Variants in LMF1 observed in about 807,000 individuals in gnomAD.
LMF1 encodes transmembrane protein 112.
Under a neutral mutation model 60.6 loss-of-function variants are expected in LMF1, and 68 were observed. The ratio of observed to expected loss-of-function variants is 1.12; its 90% CI spans 0.92 to 1.37. The LOEUF is 1.37. Among genes scored for constraint, LMF1 ranks in the 40% most tolerant of loss-of-function variants. LMF1 has a pLI of 0.00. For synonymous variants in LMF1, 418 were observed against 324.7 expected (o/e 1.29, Z -3.09); for missense variants, 948 against 767.2 (o/e 1.24, Z -2.78).
intron 4 of LMF1, among the ~76,000 whole-genome samples, chr16:904,535 G>A (rs1432482846): frequency 4.0e-5 from 3 of 74,970 alleles, no homozygotes; most frequent in Non-Finnish European, 7.1e-5. Context: ...CCTCTGCATC[G>A]CCCACAGGAC....
rs1322523657 is a variant in LMF1 at position 877,257 on chromosome 16, TGC to T, written c.897+2311_897+2312del. On this transcript the variant is annotated intron_variant, in intron 6 of 10. Coordinates refer to ENST00000262301, the MANE Select transcript of LMF1 (RefSeq NM_022773.4). Reference sequence around the variant, plus strand: ...ACTAAGATAATACTATGACTTTTTTTGCCAAAAGATTTGAAAACAGATGAACA... The same window carrying T: ...ACTAAGATAATACTATGACTTTTTTTCAAAAGATTTGAAAACAGATGAACA... 1.1e-4 allele frequency among the ~76,000 whole-genome samples: 16 copies of T among 152,324 alleles called. No individual in the cohort carries two copies. In the Middle Eastern group the frequency reaches 0.024, roughly 227 times the overall value.
chr16:860,399 G>A (rs2069424949), intron 10 of LMF1, among the ~76,000 whole-genome samples: 1 of 151,764 alleles, frequency 6.6e-6, no homozygotes, highest in Non-Finnish European at 1.5e-5. Context: ...GAGTGTGGTG[G>A]TGTGATCTCG....
chr16:854,593 C>T lies in LMF1; in HGVS notation c.1643G>A (p.Ser548Asn). The T allele has an allele frequency of 6.2e-7, 1 of 1,607,212 alleles. No homozygotes were observed. The highest frequency in any genetic ancestry group is 8.5e-7 in the Non-Finnish European group (1 of 1,178,316). ...GAAGTAGGGCCTCAGCTCCTCCAGG[C>T]TGAGCGGAGGGAAGTAGGCTCCGAT... ...KRIGAYFPPLSLEELRPYFRD... is the reference protein window; with the variant it reads ...KRIGAYFPPLNLEELRPYFRD... The change falls in exon 11 of 11, where the codon AGC becomes AAC. Residue 548 changes from serine (S) to asparagine (N), a missense_variant. Ser to Asn is a conservative substitution (Grantham distance 46). Coordinates refer to ENST00000262301, the MANE Select transcript of LMF1 (RefSeq NM_022773.4).
intron 3 of LMF1, among the ~76,000 whole-genome samples, chr16:925,863 C>T (rs1270146117): frequency 6.6e-6 from 1 of 152,238 alleles, no homozygotes; most frequent in African/African-American, 2.4e-5. Context: ...GTAAAGCAAA[C>T]ATTTACCCCT....
At position 917,025 on chromosome 16, in the gene LMF1, G is replaced by A. The variant is rs930132547; in HGVS notation, c.515-5946C>T. ...GAGAGCATGAGTACTGCTCAGCGTC[G>A]GGGATGGAGACGCCACCCAGGGGCT... On this transcript the variant is annotated intron_variant, in intron 3 of 10. Transcript: ENST00000262301. 3.9e-5 allele frequency among the ~76,000 whole-genome samples: 6 copies of A among 152,232 alleles called. No homozygotes were observed. In the East Asian group the frequency reaches 5.8e-4, roughly 15 times the overall value.
intron 3 of LMF1, among the ~76,000 whole-genome samples, chr16:922,831 G>A (rs7500938): frequency 1.4e-5 from 1 of 69,504 alleles, no homozygotes; most frequent in Non-Finnish European, 2.5e-5. Context: ...TGTTGCGAAG[G>A]CCCTGTGTGA....
chr16:974,636 G>A (rs564490725), upstream of LMF1, among the ~76,000 whole-genome samples: 248 of 152,328 alleles, frequency 1.6e-3, 1 homozygote, highest in African/African-American at 4.7e-3. Flanking sequence ...CCGCCGTCCC[G>A]GCCTGCGCCA....
chr16:877,560 C>T (rs967754058), intron 6 of LMF1, among the ~76,000 whole-genome samples: 3 of 152,178 alleles, frequency 2.0e-5, no homozygotes, highest in Non-Finnish European at 2.9e-5. Context: ...CAAGTCATCT[C>T]GTGACTGATG....
At chr16:856,456 CAGGCAGGCCCA>C (rs1393989272) in intron 10 of LMF1, among the ~76,000 whole-genome samples, 2 of 152,206 alleles carry the variant, frequency 1.3e-5, no homozygotes. Context: ...ATGCAGTCCC[CAGGCAGGCCCA>C]CCCTCTCCCA....
At chr16:903,898 G>A (rs1186822874) in intron 4 of LMF1, 2 of 148,600 alleles carry the variant, frequency 1.3e-5, no homozygotes, top group South Asian at 1.4e-4. Context: ...CCCACAGGAC[G>A]CCTGTCTCTG....
At chr16:880,184 G>T (rs1038507893) in intron 5 of LMF1, among the ~76,000 whole-genome samples, 3 of 152,176 alleles carry the variant, frequency 2.0e-5, no homozygotes, top group African/African-American at 7.2e-5. Context: ...GGACACGTGG[G>T]TGGGGACGTG....
chr16:854,368 G>GT lies in LMF1; in HGVS notation c.*163dup. ...CAGGGCCTGGGAGCCGCCACAGTAT[G>GT]TGACAACAGACCCCACCCTGGACCC... On this transcript the variant is annotated 3_prime_UTR_variant, in exon 11 of 11. Transcript: ENST00000262301. The GT allele has an allele frequency of 1.2e-6, 1 of 802,198 alleles. No homozygotes were observed. The highest frequency in any genetic ancestry group is 1.5e-5 in the South Asian group (1 of 67,982). The allele number at this position is 802,198 out of a possible 1,614,324, so 49.7% of individuals were successfully genotyped here. A position where few individuals can be genotyped will look rare whatever the true frequency, so the allele number is the denominator to read the frequency against.
upstream of LMF1, chr16:971,004 AGGCCCCGCCC>A: frequency 1.8e-6 from 2 of 1,108,194 alleles, no homozygotes; most frequent in Non-Finnish European, 2.3e-6. Flanking sequence ...GCACTCCCGG[AGGCCCCGCCC>A]ATTCTCGGAG....
chr16:912,012 G>C lies in LMF1; in HGVS notation c.515-933C>G, dbSNP rs151171278. 3.9e-3 allele frequency among the ~76,000 whole-genome samples: 587 copies of C among 152,296 alleles called. 5 individuals carry two copies. The highest frequency in any genetic ancestry group is 0.013 in the African/African-American group (551 of 41,548). On this transcript the variant is annotated intron_variant, in intron 3 of 10. Coordinates refer to ENST00000262301, the MANE Select transcript of LMF1 (RefSeq NM_022773.4). ...TGAGGCCACCGTGAATGTGGCTGCTGGAAACTGCCCACAGCTCGCGTCTGT... is the reference window on the plus strand; with the variant it reads ...TGAGGCCACCGTGAATGTGGCTGCTCGAAACTGCCCACAGCTCGCGTCTGT...
intron 4 of LMF1, chr16:900,096 C>G (rs902730343): frequency 6.6e-6 from 1 of 152,224 alleles, no homozygotes; most frequent in African/African-American, 2.4e-5. Flanking sequence ...CACCCTTCTT[C>G]AAGGGTTTTG....
At chr16:864,815 G>A (rs765171231) in intron 10 of LMF1, among the ~76,000 whole-genome samples, 5 of 151,892 alleles carry the variant, frequency 3.3e-5, no homozygotes, top group Non-Finnish European at 7.4e-5. Context: ...AGTAAAGAGG[G>A]TTTTGCCATG....
At chr16:957,483 T>C (rs1264361608) in intron 1 of LMF1, among the ~76,000 whole-genome samples, 1 of 152,162 alleles carries the variant, frequency 6.6e-6, no homozygotes, top group African/African-American at 2.4e-5. Context: ...TGTTCATGGA[T>C]TGGAAAAATC....
intron 4 of LMF1, among the ~76,000 whole-genome samples, chr16:909,342 C>T (rs1288830740): frequency 1.3e-5 from 2 of 152,100 alleles, no homozygotes; most frequent in Non-Finnish European, 2.9e-5. Flanking sequence ...CAGACATGGA[C>T]GTTACGATGC....
At chr16:913,318 G>A (rs2071174423) in intron 3 of LMF1, among the ~76,000 whole-genome samples, 1 of 152,242 alleles carries the variant, frequency 6.6e-6, no homozygotes, top group Non-Finnish European at 1.5e-5. Flanking sequence ...TAGCTCTTGT[G>A]GGGAACATTC....
Sources: gnomAD v4.1 joint callset for allele counts (sites outside exome capture counted in the v4.1 genomes callset) on GRCh38, gnomAD v4.1.1 for gene constraint, MANE v1.5 for transcripts, NCBI Gene and HGNC (gene_info 2026-07-23, HGNC 2026-07-21) for gene names.